Variants in ASAP2 observed in about 807,000 individuals in gnomAD.
ASAP2 encodes the protein arf-GAP with SH3 domain, ANK repeat and PH domain-containing protein 2.
Under a neutral mutation model 131.4 loss-of-function variants are expected in ASAP2, and 45 were observed. The ratio of observed to expected loss-of-function variants is 0.34; its 90% CI spans 0.27 to 0.44. The LOEUF is 0.44. ASAP2 is among the 20% of genes least tolerant of loss of function. ASAP2 has a pLI of 1.00. For synonymous variants in ASAP2, 510 were observed against 503.0 expected, an observed-to-expected ratio of 1.01 and a Z score of -0.19; for missense variants, 1,011 against 1,297.0, an observed-to-expected ratio of 0.78 and a Z score of 3.39.
At chr2:9,237,851 A>G (rs979134561) in intron 1 of ASAP2, among the ~76,000 whole-genome samples, 1 of 152,166 alleles carries the variant, frequency 6.6e-6, no homozygotes, top group Non-Finnish European at 1.5e-5. Flanking sequence ...TCTTGAGGAA[A>G]ACCAGTGAGA....
chr2:9,387,083 G>A (rs544399840), intron 21 of ASAP2, among the ~76,000 whole-genome samples: 1 of 150,318 alleles, frequency 6.7e-6, no homozygotes, highest in Non-Finnish European at 1.5e-5. Context: ...GTGGGTGGGG[G>A]GGCGCCTGTA....
intron 1 of ASAP2, among the ~76,000 whole-genome samples, chr2:9,247,473 A>G (rs1664416986): frequency 6.6e-6 from 1 of 152,190 alleles, no homozygotes; most frequent in Admixed American, 6.5e-5. Context: ...CTTTCGGTCC[A>G]TCGTCTAGCT....
In ASAP2 at chr2:9,391,142, T is replaced by A. The variant is rs762599531; in HGVS notation, c.2464T>A (p.Ser822Thr). 10 of 1,613,852 alleles carry A rather than the reference T, an allele frequency of 6.2e-6. No individual in the cohort carries two copies. The highest frequency in any genetic ancestry group is 1.1e-5 in the South Asian group (1 of 91,082). The change falls in exon 23 of 28, where the codon TCA becomes ACA. Residue 822 changes from serine (S) to threonine (T), a missense_variant. This residue lies in a region of ASAP2 where 652 missense variants were observed against 698.9 expected (regional missense o/e 0.93). Coordinates refer to ENST00000281419, the MANE Select transcript of ASAP2 (RefSeq NM_003887.3). ...CGGTGGAAGCCGGCAGCGATCTTCG[T>A]CAGATCCGCCAGCTGTCCATCCACC... is the stretch of plus-strand genomic sequence containing the variant. ...VDGGSRQRSS[S>T]DPPAVHPPLP...
chr2:9,378,814 T>C, intron 18 of ASAP2, 130 bp from the exon 19 acceptor site: 1 of 549,892 alleles, frequency 1.8e-6, no homozygotes. Flanking sequence ...TTGGCGATGA[T>C]TTACAGAAAC....
chr2:9,387,216 A>AAAAAAAAAC lies in ASAP2; in HGVS notation c.2131-1070_2131-1069insCAAAAAAAA, dbSNP rs1213077098. ...GCAACAGAGAGAGACTCTGTCTCAA[A>AAAAAAAAAC]AAAAAAAAAAACCATATAACCTTCA... On this transcript the variant is annotated intron_variant, in intron 21 of 27. Coordinates refer to ENST00000281419, the MANE Select transcript of ASAP2 (RefSeq NM_003887.3). 1.9e-4 allele frequency among the ~76,000 whole-genome samples: 29 copies of AAAAAAAAAC among 151,288 alleles called. 2 individuals are homozygous for AAAAAAAAAC. The highest frequency in any genetic ancestry group is 6.6e-4 in the African/African-American group (27 of 40,988).
intron 3 of ASAP2, among the ~76,000 whole-genome samples, chr2:9,300,517 C>T (rs1020216593): frequency 6.6e-6 from 1 of 152,228 alleles, no homozygotes; most frequent in African/African-American, 2.4e-5. Context: ...CACTGCAGGT[C>T]CTAGTTGCTG....
intron 1 of ASAP2, among the ~76,000 whole-genome samples, chr2:9,210,705 C>T (rs1184190189): frequency 6.6e-6 from 1 of 151,956 alleles, no homozygotes; most frequent in Non-Finnish European, 1.5e-5. Context: ...CAGGTGCCCG[C>T]CACCATGCCC....
intron 11 of ASAP2, among the ~76,000 whole-genome samples, chr2:9,345,867 G>A (rs913410188): frequency 2.0e-5 from 3 of 152,080 alleles, no homozygotes; most frequent in African/African-American, 4.8e-5. Context: ...AACCCCAGCC[G>A]AAGCATGTCA....
At chr2:9,288,194 C>G (rs1361412844) in intron 2 of ASAP2, among the ~76,000 whole-genome samples, 1 of 152,196 alleles carries the variant, frequency 6.6e-6, no homozygotes, top group Non-Finnish European at 1.5e-5. Context: ...GCAAACCCAA[C>G]CTACCAAGCA....
chr2:9,313,492 G>A (rs1301902182), intron 3 of ASAP2, among the ~76,000 whole-genome samples: 1 of 152,182 alleles, frequency 6.6e-6, no homozygotes, highest in Non-Finnish European at 1.5e-5. Flanking sequence ...TTAACTTGTG[G>A]ACACTTTTAA....
chr2:9,393,343 G>T, intron 23 of ASAP2, 139 bp from the exon 24 acceptor site: 1 of 765,916 alleles, frequency 1.3e-6, no homozygotes, highest in Non-Finnish European at 2.0e-6. Flanking sequence ...CTGAAAACTG[G>T]CAAGGAAATA....
chr2:9,359,711 A>G (rs1290546793), intron 15 of ASAP2, among the ~76,000 whole-genome samples: 3 of 152,220 alleles, frequency 2.0e-5, no homozygotes, highest in Non-Finnish European at 4.4e-5. Flanking sequence ...GTTGTGGACC[A>G]TGTTCCTCTC....
chr2:9,304,073 G>A (rs933406855), intron 3 of ASAP2, among the ~76,000 whole-genome samples: 4 of 152,190 alleles, frequency 2.6e-5, no homozygotes, highest in African/African-American at 9.7e-5. Context: ...GGAGCCCTGA[G>A]GGTACAGCAT....
chr2:9,379,271 G>A (rs754824167), intron 19 of ASAP2, among the ~76,000 whole-genome samples: 10 of 152,200 alleles, frequency 6.6e-5, no homozygotes, highest in African/African-American at 1.7e-4. Context: ...CTTTGGGCGC[G>A]TTTACAGGCA....
intron 14 of ASAP2, among the ~76,000 whole-genome samples, chr2:9,357,839 T>G (rs1288597176): frequency 6.6e-6 from 1 of 152,204 alleles, no homozygotes; most frequent in African/African-American, 2.4e-5. Flanking sequence ...TCCTACTGAC[T>G]AAAGTTGCGA....
intron 3 of ASAP2, 93 bp downstream of exon 3, chr2:9,297,538 T>G: frequency 1.4e-6 from 2 of 1,442,200 alleles, no homozygotes; most frequent in Non-Finnish European, 1.9e-6. Context: ...AAACTAGGAA[T>G]GCATTTCATA....
chr2:9,347,034 G>A (rs1672010259), intron 11 of ASAP2, among the ~76,000 whole-genome samples: 1 of 151,972 alleles, frequency 6.6e-6, no homozygotes, highest in African/African-American at 2.4e-5. Context: ...GTGTTTGGAG[G>A]GGAAAACCCT....
At chr2:9,278,933 G>A (rs1053816081) in intron 1 of ASAP2, among the ~76,000 whole-genome samples, 6 of 152,172 alleles carry the variant, frequency 3.9e-5, no homozygotes, top group Admixed American at 2.0e-4. Flanking sequence ...GGAGTCCCTG[G>A]CAGGCAGGGG....
chr2:9,306,883 C>T (rs1668976716), intron 3 of ASAP2, among the ~76,000 whole-genome samples: 1 of 151,798 alleles, frequency 6.6e-6, no homozygotes, highest in Admixed American at 6.6e-5. Flanking sequence ...CCCCAGGGGC[C>T]CTGGCCGGAC....
Sources: gnomAD v4.1 joint callset for allele counts (sites outside exome capture counted in the v4.1 genomes callset) on GRCh38, gnomAD v4.1.1 for gene constraint, gnomAD v4.1.1 regional missense constraint, MANE v1.5 for transcripts, NCBI Gene and HGNC (gene_info 2026-07-23, HGNC 2026-07-21) for gene names.